SDK1: variants seen among roughly 807,000 people sequenced by gnomAD.
SDK1 encodes protein sidekick-1.
A neutral mutation model predicts 245.5 loss-of-function variants in SDK1; 157 were observed. The observed-to-expected ratio is 0.64, with a 90% CI of 0.56 to 0.73. The LOEUF (loss-of-function observed/expected upper bound fraction) is 0.73, where lower values mean the gene tolerates loss of function less well. Ranked by LOEUF, SDK1 falls within the 30% of genes least tolerant of loss-of-function variation. The probability of loss-of-function intolerance (pLI) is 0.00; values close to 1 mark genes in which losing one functional copy is unlikely to be tolerated. For missense variants in SDK1, 3,583 were observed against 3,002.3 expected (o/e 1.19, Z -4.52); for synonymous variants, 1,647 against 1,278.5 (o/e 1.29, Z -6.15).
intron 5 of SDK1, among the ~76,000 whole-genome samples, chr7:3,887,000 G>T (rs1329730220): frequency 6.6e-6 from 1 of 152,170 alleles, no homozygotes; most frequent in Non-Finnish European, 1.5e-5. Flanking sequence ...AACCAATGAG[G>T]CTACGTTAAT....
intron 4 of SDK1, among the ~76,000 whole-genome samples, chr7:3,701,089 A>T (rs544976119): frequency 7.9e-5 from 12 of 152,198 alleles, no homozygotes; most frequent in East Asian, 5.8e-4. Context: ...GAATCTATTT[A>T]AAAAAAACTC....
At chr7:3,474,264 T>TTTTGTA (rs1206947302) in intron 1 of SDK1, among the ~76,000 whole-genome samples, 1 of 151,312 alleles carries the variant, frequency 6.6e-6, no homozygotes, top group African/African-American at 2.4e-5. Flanking sequence ...ACCAGCTAAT[T>TTTTGTA]TTTGTATTTT....
chr7:3,629,290 T>C lies in SDK1; in HGVS notation c.459-9714T>C, dbSNP rs1428454484. On this transcript the variant is annotated intron_variant, in intron 2 of 44. Transcript: ENST00000404826. ...CACTCCAGCCTGGGAGACAGTACAA[T>C]TCTCAGTCTCAAAAAAAAAAAGAAA... 3.0e-4 allele frequency among the ~76,000 whole-genome samples: 44 copies of C among 147,096 alleles called. 1 individual carries two copies. Among genetic ancestry groups the C allele is most frequent in the Non-Finnish European group, 6.0e-5 (4 of 66,888 alleles).
At chr7:4,136,704 C>A (rs1473434002) in intron 28 of SDK1, among the ~76,000 whole-genome samples, 2 of 152,258 alleles carry the variant, frequency 1.3e-5, no homozygotes, top group East Asian at 3.9e-4. Context: ...GATGCGTGAG[C>A]TCTTCAGACC....
At chr7:3,342,746 A>G (rs1780382024) in intron 1 of SDK1, among the ~76,000 whole-genome samples, 1 of 152,214 alleles carries the variant, frequency 6.6e-6, no homozygotes, top group Non-Finnish European at 1.5e-5. Flanking sequence ...GAGGATGGAA[A>G]GACAAGGTAC....
At chr7:4,186,932 G>A (rs1259988437) in intron 35 of SDK1, among the ~76,000 whole-genome samples, 1 of 152,192 alleles carries the variant, frequency 6.6e-6, no homozygotes, top group African/African-American at 2.4e-5. Flanking sequence ...CCAGACCTGG[G>A]ATTGCCACCC....
intron 5 of SDK1, among the ~76,000 whole-genome samples, chr7:3,928,340 T>C (rs1293694864): frequency 6.6e-6 from 1 of 152,218 alleles, no homozygotes; most frequent in African/African-American, 2.4e-5. Flanking sequence ...CCAATAGTAT[T>C]ATTTAGTTTA....
At chr7:4,177,489 C>G (rs769238902) in intron 34 of SDK1, among the ~76,000 whole-genome samples, 2 of 152,226 alleles carry the variant, frequency 1.3e-5, no homozygotes, top group African/African-American at 4.8e-5. Flanking sequence ...GACACGGCCG[C>G]TAAGGTCTCA....
At chr7:3,345,061 G>A (rs180966669) in intron 1 of SDK1, among the ~76,000 whole-genome samples, 33 of 152,276 alleles carry the variant, frequency 2.2e-4, no homozygotes, top group East Asian at 5.8e-4. Flanking sequence ...GAAGTTAAGC[G>A]TTTATAGAAG....
chr7:3,883,054 A>G (rs922335208), intron 5 of SDK1, among the ~76,000 whole-genome samples: 13 of 152,122 alleles, frequency 8.5e-5, no homozygotes, highest in Non-Finnish European at 1.2e-4. Flanking sequence ...ACACTGAGTT[A>G]TTGGTGCAGT....
intron 25 of SDK1, among the ~76,000 whole-genome samples, chr7:4,120,306 A>G (rs997272174): frequency 6.0e-5 from 9 of 149,090 alleles, no homozygotes; most frequent in African/African-American, 1.7e-4. Flanking sequence ...ATAAAACTGA[A>G]TTCATACCAA....
At chr7:3,436,313 G>A (rs987642569) in intron 1 of SDK1, among the ~76,000 whole-genome samples, 2 of 152,022 alleles carry the variant, frequency 1.3e-5, no homozygotes, top group African/African-American at 4.8e-5. Flanking sequence ...GGATGATTAC[G>A]AAATAATTGA....
At chr7:3,892,131 C>T (rs775220362) in intron 5 of SDK1, among the ~76,000 whole-genome samples, 1 of 152,174 alleles carries the variant, frequency 6.6e-6, no homozygotes, top group Non-Finnish European at 1.5e-5. Flanking sequence ...AGCTTGCCAT[C>T]ACCTAAACCC....
chr7:4,221,140 G>A (rs1345130930), intron 39 of SDK1, 99 bp from the exon 40 acceptor site: 4 of 1,435,528 alleles, frequency 2.8e-6, no homozygotes, highest in Admixed American at 1.8e-5. Flanking sequence ...ACACTCTGCA[G>A]CCTCGACCGG....
rs777399368 is a variant in SDK1 at position 4,132,413 on chromosome 7, C to T, written c.4218C>T (p.Gly1406=). ...GGCAACCTCCGGAGGAGCCCAACGG[C>T]ATCATCCTGGGTAAGGGAGCGGCGG... ...IVWQPPEEPN[G]IILGYQIAYR... The change falls in exon 28 of 45, where the codon GGC becomes GGT. Residue 1406 remains glycine (G), a synonymous_variant. Coordinates refer to ENST00000404826, the MANE Select transcript of SDK1 (RefSeq NM_152744.4). The T allele has an allele frequency of 5.6e-6, 9 of 1,610,588 alleles. No individual in the cohort carries two copies. In the South Asian group the frequency reaches 8.8e-5, roughly 16 times the overall value.
intron 1 of SDK1, among the ~76,000 whole-genome samples, chr7:3,402,026 T>C (rs767490625): frequency 1.3e-5 from 2 of 152,122 alleles, no homozygotes; most frequent in Non-Finnish European, 2.9e-5. Flanking sequence ...GTGGGAGATA[T>C]AAAAGAAGCA....
intron 5 of SDK1, among the ~76,000 whole-genome samples, chr7:3,909,843 T>G (rs1779100374): frequency 6.6e-6 from 1 of 152,192 alleles, no homozygotes; most frequent in African/African-American, 2.4e-5. Flanking sequence ...AGCCTTTTTT[T>G]GAATAAAAGT....
At chr7:3,329,439 G>C (rs1780014085) in intron 1 of SDK1, among the ~76,000 whole-genome samples, 2 of 152,066 alleles carry the variant, frequency 1.3e-5, no homozygotes, top group South Asian at 4.2e-4. Flanking sequence ...AGGATATTTA[G>C]AGTTCAGAGT....
chr7:3,311,492 G>C (rs749508982), intron 1 of SDK1, among the ~76,000 whole-genome samples: 2 of 152,050 alleles, frequency 1.3e-5, no homozygotes, highest in Non-Finnish European at 2.9e-5. Flanking sequence ...CAAGGAAAGA[G>C]AACTATGGAG....
Sources: gnomAD v4.1 joint callset for allele counts (sites outside exome capture counted in the v4.1 genomes callset) on GRCh38, gnomAD v4.1.1 for gene constraint, MANE v1.5 for transcripts, NCBI Gene and HGNC (gene_info 2026-07-23, HGNC 2026-07-21) for gene names.